The following P3H1 variants were observed in gnomAD, a reference collection of about 807,000 sequenced individuals.
P3H1 encodes prolyl 3-hydroxylase 1.
Under a neutral mutation model 84.0 loss-of-function variants are expected in P3H1, and 69 were observed. The ratio of observed to expected loss-of-function variants is 0.82; its 90% CI spans 0.68 to 1.00. The LOEUF (loss-of-function observed/expected upper bound fraction) is 1.00. Ranked by LOEUF, P3H1 falls within the 50% of genes least tolerant of loss-of-function variation. P3H1 has a pLI of 0.00. For missense variants in P3H1, 878 were observed against 962.8 expected, an observed-to-expected ratio of 0.91 and a Z score of 1.17; for synonymous variants, 366 against 388.8, an observed-to-expected ratio of 0.94 and a Z score of 0.69.
chr1:42,748,860 C>T (rs536759742), intron 11 of P3H1: 56 of 208,978 alleles, frequency 2.7e-4, no homozygotes, highest in Non-Finnish European at 4.3e-4. Context: ...GCCAGGCAGA[C>T]CACGTCTTTC....
intron 1 of P3H1, among the ~76,000 whole-genome samples, chr1:42,765,646 C>G (rs994151924): frequency 1.3e-5 from 2 of 152,120 alleles, no homozygotes; most frequent in Admixed American, 1.3e-4. Context: ...GGGTGGAAAT[C>G]TGAGGTCCCC....
chr1:42,763,641 C>T (rs1384579981), intron 1 of P3H1, among the ~76,000 whole-genome samples: 1 of 130,102 alleles, frequency 7.7e-6, no homozygotes, highest in African/African-American at 3.0e-5. Context: ...CACCATACTC[C>T]AGCCTGGGTG....
rs371282393 is a variant in P3H1, at chr1:42,750,056, C to A, written c.1720+130G>T. On this transcript the variant is annotated intron_variant, in intron 11 of 14. Coordinates refer to ENST00000296388, the MANE Select transcript of P3H1 (RefSeq NM_022356.4). ...GGCATGCATCACACTGGGATGCCAC[C>A]CATGTATTTACATTGGTTCCCCAAC... The A allele has an allele frequency of 5.5e-6, 6 of 1,096,072 alleles. No individual in the cohort carries two copies. In the East Asian group the frequency reaches 7.8e-5, roughly 14 times the overall value. 67.9% of individuals were successfully genotyped at this position (1,096,072 alleles called of 1,614,324 possible).
At chr1:42,749,594 C>A (rs1360514334) in intron 11 of P3H1, among the ~76,000 whole-genome samples, 1 of 152,194 alleles carries the variant, frequency 6.6e-6, no homozygotes, top group East Asian at 1.9e-4. Flanking sequence ...TAAAAATTCC[C>A]TTGAATGTAG....
chr1:42,750,045 TG>T, intron 11 of P3H1, 140 bp downstream of exon 11: 1 of 1,003,026 alleles, frequency 1.0e-6, no homozygotes, highest in Non-Finnish European at 1.5e-6. Flanking sequence ...TGCATCACAC[TG>T]GGATGCCACC....
Position 42,752,315 on chromosome 1 carries a change from T to G in P3H1, c.1528A>C (p.Asn510His). ...ACAGTGACACCATAGAACTTTTCAT[T>G]GGGAGTATGTGGGGAGGTCTGACCC... ...YRGQTSPHTP[N>H]EKFYGVTVFK... The change falls in exon 10 of 15, where the codon AAT becomes CAT. Residue 510 changes from asparagine (N) to histidine (H), a missense_variant. Physicochemically the swap from Asn to His is moderately conservative, Grantham distance 68. Coordinates refer to ENST00000296388, the MANE Select transcript of P3H1 (RefSeq NM_022356.4). The G allele has an allele frequency of 1.2e-6, 2 of 1,614,106 alleles. No homozygotes were observed. Among genetic ancestry groups the G allele is most frequent in the Non-Finnish European group, 1.7e-6 (2 of 1,180,008 alleles).
chr1:42,761,591 A>G (rs1652720521), intron 2 of P3H1: 1 of 152,252 alleles, frequency 6.6e-6, no homozygotes, highest in Middle Eastern at 3.2e-3. Flanking sequence ...TGTTAGTTAA[A>G]AAATGATGAT....
At chr1:42,759,500 T>A in intron 2 of P3H1, 110 bp from the exon 3 acceptor site, 1 of 871,262 alleles carries the variant, frequency 1.1e-6, no homozygotes, top group South Asian at 1.4e-5. Context: ...AGGTTATGGA[T>A]GGAAAGGGGT....
intron 11 of P3H1, among the ~76,000 whole-genome samples, chr1:42,749,073 C>T (rs1160792291): frequency 6.6e-6 from 1 of 152,240 alleles, no homozygotes; most frequent in African/African-American, 2.4e-5. Context: ...CATTGCTGAC[C>T]AGCTTCCCTT....
chr1:42,765,099 C>A, intron 1 of P3H1, among the ~76,000 whole-genome samples: 1 of 152,188 alleles, frequency 6.6e-6, no homozygotes. Context: ...CCCTGCAGTC[C>A]GCAGAATTCT....
At position 42,746,448 on chromosome 1, in the gene P3H1, G is replaced by A. The variant is rs562238358; in HGVS notation, c.*249C>T. The stretch of plus-strand genomic sequence containing the variant: ...AAGTACTGTATCGCTGTCATGCAGC[G>A]GCCTGTGGAGGCCCCTGGGGGTGGC... On this transcript the variant is annotated 3_prime_UTR_variant, in exon 15 of 15. Coordinates refer to ENST00000296388, the MANE Select transcript of P3H1 (RefSeq NM_022356.4). 51 of 569,182 alleles carry A rather than the reference G, an allele frequency of 9.0e-5. No individual in the cohort carries two copies. Among genetic ancestry groups the A allele is most frequent in the African/African-American group, 6.2e-4 (33 of 53,544 alleles). 35.3% of individuals were successfully genotyped at this position (569,182 alleles called of 1,614,324 possible).
chr1:42,762,045 A>G (rs369090229), intron 2 of P3H1: 2 of 359,526 alleles, frequency 5.6e-6, no homozygotes, highest in Non-Finnish European at 5.2e-6. Flanking sequence ...ATACTTACCT[A>G]CATTTCTACA....
intron 2 of P3H1, among the ~76,000 whole-genome samples, chr1:42,759,795 TG>T (rs1360126871): frequency 1.3e-5 from 2 of 152,002 alleles, no homozygotes; most frequent in Non-Finnish European, 2.9e-5. Flanking sequence ...TTGGCCAGGC[TG>T]GTCTCCAACT....
In P3H1 at chr1:42,758,977, T is replaced by A. The variant is rs1652552999; in HGVS notation, c.815A>T (p.Tyr272Phe). ...CTGCTTACAGTTGAGGACCTGGATGTAATGATCTGAAAGGAATCAAACAGA... is the reference window on the plus strand; with the variant it reads ...CTGCTTACAGTTGAGGACCTGGATGAAATGATCTGAAAGGAATCAAACAGA... ...ADLFQAITDH[Y>F]IQVLNCKQNC... The change falls in exon 4 of 15, where the codon TAC (tyrosine) becomes TTC (phenylalanine). Residue 272 changes from tyrosine (Y) to phenylalanine (F), a missense_variant. Transcript: ENST00000296388. The A allele has an allele frequency of 1.2e-6, 2 of 1,614,194 alleles. No individual in the cohort carries two copies. Among genetic ancestry groups the A allele is most frequent in the South Asian group, 2.2e-5 (2 of 91,086 alleles).
At chr1:42,752,718 C>T in intron 8 of P3H1, 54 bp from the exon 9 acceptor site, 1 of 1,610,520 alleles carries the variant, frequency 6.2e-7, no homozygotes, top group Non-Finnish European at 8.5e-7. Context: ...AGACCAAAGA[C>T]TCTCCATTGG....
intron 2 of P3H1, chr1:42,760,886 CT>C (rs1408708533): frequency 1.3e-5 from 2 of 152,106 alleles, no homozygotes; most frequent in Admixed American, 6.6e-5. Context: ...ATCTCCTGAC[CT>C]TGTGATCCGC....
chr1:42,757,939 A>C lies in P3H1; in HGVS notation c.941-17T>G, dbSNP rs749726656. On this transcript the variant is annotated splice_polypyrimidine_tract_variant and intron_variant, in intron 4 of 14. Coordinates refer to ENST00000296388, the MANE Select transcript of P3H1 (RefSeq NM_022356.4). ...AATTCCCAACTGCAAAGTGGAAAGA[A>C]GAATGGCTGAGAGGAAAGAGTCAAA... 8 of 1,610,266 alleles carry C rather than the reference A, an allele frequency of 5.0e-6. No homozygotes were observed. In the South Asian group the frequency reaches 7.7e-5, roughly 15 times the overall value.
At position 42,746,754 on chromosome 1, in the gene P3H1, G is replaced by A. The variant is rs775626323; in HGVS notation, c.2154C>T (p.Pro718=). ...CTGAGAGAGACTCTTGTGCAGGTTC[G>A]GGGGGGCCCTGCTGGGCATCCAGGG... ...EQPLDAQQGP[P]EPAQESLSGS... Residue 718 remains proline (P), a synonymous_variant, in exon 15 of 15, where the codon CCC becomes CCT. Coordinates refer to ENST00000296388, the MANE Select transcript of P3H1 (RefSeq NM_022356.4). 18 of 1,554,366 alleles carry A rather than the reference G, an allele frequency of 1.2e-5. No individual in the cohort carries two copies. Among genetic ancestry groups the A allele is most frequent in the South Asian group, 3.6e-5 (3 of 84,440 alleles).
chr1:42,747,570 G>T, intron 13 of P3H1, 153 bp downstream of exon 13: 1 of 1,100,482 alleles, frequency 9.1e-7, no homozygotes, highest in Non-Finnish European at 1.4e-6. Flanking sequence ...GGTTAGAGGA[G>T]TGATGGACAC....
Sources: gnomAD v4.1 joint callset for allele counts (sites outside exome capture counted in the v4.1 genomes callset) on GRCh38, gnomAD v4.1.1 for gene constraint, MANE v1.5 for transcripts, NCBI Gene and HGNC (gene_info 2026-07-23, HGNC 2026-07-21) for gene names.